Variants in CCDC148 observed in about 807,000 individuals in gnomAD.
The protein encoded by CCDC148 is coiled-coil domain containing 148.
Under a neutral mutation model 85.7 loss-of-function variants are expected in CCDC148, and 89 were observed. The ratio of observed to expected loss-of-function variants is 1.04; its 90% CI spans 0.87 to 1.24. The LOEUF is 1.24. Among genes scored for constraint, CCDC148 ranks in the 50% most tolerant of loss-of-function variants. The probability of loss-of-function intolerance (pLI) is 0.00; values close to 1 mark genes in which losing one functional copy is unlikely to be tolerated. For synonymous variants in CCDC148, 230 were observed against 213.9 expected, an observed-to-expected ratio of 1.08 and a Z score of -0.66; for missense variants, 692 against 671.7, an observed-to-expected ratio of 1.03 and a Z score of -0.33.
intron 1 of CCDC148, among the ~76,000 whole-genome samples, chr2:158,435,625 A>C (rs1687609545): frequency 6.6e-6 from 1 of 152,242 alleles, no homozygotes; most frequent in African/African-American, 2.4e-5. Flanking sequence ...TCAAACAAAC[A>C]ATATTAACTT....
At chr2:158,218,506 G>T (rs1400133111) in intron 11 of CCDC148, among the ~76,000 whole-genome samples, 1 of 152,094 alleles carries the variant, frequency 6.6e-6, no homozygotes, top group Non-Finnish European at 1.5e-5. Flanking sequence ...TAATTATTGG[G>T]ACAGGAAGCA....
chr2:158,446,460 GT>G (rs946318870), intron 1 of CCDC148, among the ~76,000 whole-genome samples: 16 of 151,108 alleles, frequency 1.1e-4, no homozygotes, highest in Non-Finnish European at 1.6e-4. Flanking sequence ...TCCTCACAAA[GT>G]TTTTTTTTAA....
intron 10 of CCDC148, among the ~76,000 whole-genome samples, chr2:158,225,637 C>T (rs1453978525): frequency 3.9e-5 from 6 of 152,176 alleles, no homozygotes; most frequent in African/African-American, 1.4e-4. Flanking sequence ...AACTAGAACT[C>T]GGGATTAAGA....
At chr2:158,407,612 G>A (rs1290836930) in intron 1 of CCDC148, among the ~76,000 whole-genome samples, 1 of 152,062 alleles carries the variant, frequency 6.6e-6, no homozygotes, top group Non-Finnish European at 1.5e-5. Context: ...AATTTTGGCA[G>A]TACAGCATCC....
intron 10 of CCDC148, among the ~76,000 whole-genome samples, chr2:158,241,913 G>A (rs1210251803): frequency 1.3e-5 from 2 of 152,124 alleles, no homozygotes; most frequent in African/African-American, 4.8e-5. Context: ...AACTTATGAA[G>A]TTAGTATATG....
intron 9 of CCDC148, among the ~76,000 whole-genome samples, chr2:158,277,506 G>A (rs1030380118): frequency 3.9e-5 from 6 of 152,152 alleles, no homozygotes; most frequent in Middle Eastern, 3.2e-3. Flanking sequence ...GCTGTGAAGT[G>A]TTTACTATAC....
rs539492174 is a variant in CCDC148 at position 158,270,530 on chromosome 2, G to A, written c.1111-19618C>T. Among the ~76,000 whole-genome samples, 64 of 152,260 alleles carry A rather than the reference G, an allele frequency of 4.2e-4. 2 individuals carry two copies. Among genetic ancestry groups the A allele is most frequent in the Admixed American group, 2.6e-3 (40 of 15,290 alleles). ...CAGATGAATCCTACACATAAGAAAT[G>A]TCCATATAGAGAACAATTCATAGGT... On this transcript the variant is annotated intron_variant, in intron 9 of 13. Transcript: ENST00000283233.
At chr2:158,334,009 T>C (rs542743392) in intron 7 of CCDC148, among the ~76,000 whole-genome samples, 3 of 152,236 alleles carry the variant, frequency 2.0e-5, no homozygotes, top group Non-Finnish European at 2.9e-5. Flanking sequence ...AATGCATAGA[T>C]CAAGTTGGTT....
intron 11 of CCDC148, among the ~76,000 whole-genome samples, chr2:158,206,635 T>C (rs67731778): frequency 0.062 from 9,516 of 152,308 alleles, 301 homozygotes; most frequent in East Asian, 0.099. Flanking sequence ...CAAATATTTT[T>C]TAATAGATGA....
intron 10 of CCDC148, among the ~76,000 whole-genome samples, chr2:158,227,209 G>A (rs1687590601): frequency 6.6e-6 from 1 of 151,808 alleles, no homozygotes; most frequent in African/African-American, 2.4e-5. Context: ...ATTCACAATT[G>A]CTTCAAAGAG....
intron 9 of CCDC148, among the ~76,000 whole-genome samples, chr2:158,274,646 A>G (rs1295978358): frequency 6.6e-6 from 1 of 152,226 alleles, no homozygotes; most frequent in African/African-American, 2.4e-5. Context: ...ATGAAATATT[A>G]TAGAGTATTT....
chr2:158,288,656 C>T, intron 9 of CCDC148: 1 of 232,624 alleles, frequency 4.3e-6, no homozygotes, highest in South Asian at 4.5e-5. Flanking sequence ...TAGGAGGTTC[C>T]AAACTTTCCC....
chr2:158,340,105 C>G, intron 5 of CCDC148, 137 bp downstream of exon 5: 1 of 610,446 alleles, frequency 1.6e-6, no homozygotes, highest in East Asian at 2.9e-5. Context: ...GAATTAGCTG[C>G]CCTTCTATTT....
intron 11 of CCDC148, among the ~76,000 whole-genome samples, chr2:158,179,233 A>G (rs1480241379): frequency 8.2e-6 from 1 of 122,634 alleles, no homozygotes; most frequent in Non-Finnish European, 1.6e-5. Flanking sequence ...ATCTTGGCTC[A>G]CTGCAACCTC....
chr2:158,393,540 G>A (rs1191714357), intron 1 of CCDC148, among the ~76,000 whole-genome samples: 1 of 152,126 alleles, frequency 6.6e-6, no homozygotes, highest in Non-Finnish European at 1.5e-5. Context: ...TATGTTTGAA[G>A]TAGTACAAGC....
intron 11 of CCDC148, among the ~76,000 whole-genome samples, chr2:158,187,950 T>G (rs116214057): frequency 6.6e-6 from 1 of 152,024 alleles, no homozygotes; most frequent in Non-Finnish European, 1.5e-5. Context: ...AATAAAGAAC[T>G]GCTGCTTTAA....
Position 158,285,894 on chromosome 2 carries a change from T to C in CCDC148, c.1110+23539A>G, listed in dbSNP as rs571320519. On this transcript the variant is annotated intron_variant, in intron 9 of 13. Transcript: ENST00000283233. Reference sequence around the variant, plus strand: ...TTTCAGGTCAGGAACAAGACAAAAATGGCCCTTATCAATGCTTCTATTCAA... The same window carrying C: ...TTTCAGGTCAGGAACAAGACAAAAACGGCCCTTATCAATGCTTCTATTCAA... Among the ~76,000 whole-genome samples, 4 of 152,188 alleles carry C rather than the reference T, an allele frequency of 2.6e-5. No individual in the cohort carries two copies. The South Asian group carries it at 6.2e-4, about 24-fold the overall frequency.
chr2:158,229,852 A>G (rs1687763023), intron 10 of CCDC148, among the ~76,000 whole-genome samples: 1 of 152,176 alleles, frequency 6.6e-6, no homozygotes, highest in African/African-American at 2.4e-5. Context: ...GAAATTCTTT[A>G]GAACCCAAAG....
chr2:158,446,040 C>G (rs527427663), intron 1 of CCDC148, among the ~76,000 whole-genome samples: 57 of 152,246 alleles, frequency 3.7e-4, no homozygotes, highest in Middle Eastern at 6.8e-3. Context: ...ATGTAATCAA[C>G]TATGATACTC....
Sources: allele counts gnomAD v4.1 joint callset (sites outside exome capture counted in the v4.1 genomes callset), GRCh38; gene constraint gnomAD v4.1.1; transcripts MANE v1.5; gene names NCBI Gene and HGNC (gene_info 2026-07-23, HGNC 2026-07-21).